The following PDE3A variants were observed in gnomAD, a reference collection of about 807,000 sequenced individuals.
PDE3A encodes the protein phosphodiesterase 3A.
A neutral mutation model predicts 98.3 loss-of-function variants in PDE3A; 43 were observed. The ratio of observed to expected loss-of-function variants is 0.44; its 90% CI spans 0.34 to 0.56. The LOEUF (loss-of-function observed/expected upper bound fraction) is 0.56, where lower values mean the gene tolerates loss of function less well. Among genes scored for constraint, PDE3A ranks in the 20% least tolerant of loss-of-function variants. PDE3A has a pLI of 0.01. For missense variants in PDE3A, 1,427 were observed against 1,440.7 expected (o/e 0.99, Z 0.15); for synonymous variants, 663 against 567.9 (o/e 1.17, Z -2.38).
At chr12:20,492,043 C>A (rs113896913) in intron 1 of PDE3A, among the ~76,000 whole-genome samples, 2 of 151,918 alleles carry the variant, frequency 1.3e-5, no homozygotes, top group African/African-American at 4.8e-5. Context: ...TGTAGTGGTG[C>A]GATCTCAGCT....
At chr12:20,419,786 G>A (rs1944481664) in intron 1 of PDE3A, among the ~76,000 whole-genome samples, 1 of 142,280 alleles carries the variant, frequency 7.0e-6, no homozygotes. Flanking sequence ...CACCCAGGCT[G>A]GAGTGCAGTG....
intron 2 of PDE3A, among the ~76,000 whole-genome samples, chr12:20,600,460 C>T (rs59648485): frequency 0.037 from 5,648 of 152,170 alleles, 349 homozygotes; most frequent in African/African-American, 0.13. Context: ...GGCTCATATT[C>T]CTGCCATGAT....
chr12:20,526,465 A>T (rs1946521325), intron 1 of PDE3A, among the ~76,000 whole-genome samples: 1 of 152,330 alleles, frequency 6.6e-6, no homozygotes, highest in South Asian at 2.1e-4. Flanking sequence ...TTTTTAAAAA[A>T]GTGTTACAAT....
At chr12:20,382,244 G>C (rs1300258247) in intron 1 of PDE3A, among the ~76,000 whole-genome samples, 1 of 151,846 alleles carries the variant, frequency 6.6e-6, no homozygotes, top group African/African-American at 2.4e-5. Context: ...AGTTGCTTCT[G>C]TTGAGAATCA....
intron 8 of PDE3A, 97 bp downstream of exon 8, chr12:20,635,153 G>C: frequency 9.1e-7 from 1 of 1,103,958 alleles, no homozygotes; most frequent in African/African-American, 1.6e-5. Flanking sequence ...AGGCAAGGTG[G>C]CTCACACCTG....
intron 15 of PDE3A, among the ~76,000 whole-genome samples, chr12:20,654,407 C>G (rs59838638): frequency 0.026 from 3,946 of 152,166 alleles, 147 homozygotes; most frequent in African/African-American, 0.089. Context: ...ACATATGATA[C>G]AAAGATATCT....
intron 1 of PDE3A, among the ~76,000 whole-genome samples, chr12:20,448,751 G>GTTTTTTTTTTTTTT (rs1265923346): frequency 1.0e-4 from 14 of 134,324 alleles, no homozygotes; most frequent in East Asian, 2.6e-4. Context: ...TTTATTTTAA[G>GTTTTTTTTTTTTTT]GTTTTTTTTT....
intron 2 of PDE3A, among the ~76,000 whole-genome samples, chr12:20,585,853 CT>C (rs1168435408): frequency 6.6e-5 from 10 of 151,966 alleles, no homozygotes; most frequent in Non-Finnish European, 1.0e-4. Context: ...CTTGCCTTGC[CT>C]TTTCTTCTTT....
intron 7 of PDE3A, 53 bp from the exon 8 acceptor site, chr12:20,634,848 AG>A: frequency 7.2e-7 from 1 of 1,397,584 alleles, no homozygotes; most frequent in Non-Finnish European, 1.0e-6. Flanking sequence ...TGCTTAAATG[AG>A]CCCCCTTTCC....
intron 4 of PDE3A, among the ~76,000 whole-genome samples, chr12:20,618,906 A>T (rs1021884769): frequency 6.6e-6 from 1 of 152,090 alleles, no homozygotes; most frequent in Non-Finnish European, 1.5e-5. Context: ...TACGGGGATA[A>T]TAAGAGCATA....
At chr12:20,677,818 C>T (rs1020388743) in intron 15 of PDE3A, among the ~76,000 whole-genome samples, 23 of 151,968 alleles carry the variant, frequency 1.5e-4, no homozygotes, top group Non-Finnish European at 2.9e-4. Flanking sequence ...AGTTCCTTGG[C>T]TTTTGATTTT....
At chr12:20,372,671 G>C (rs544127765) in intron 1 of PDE3A, among the ~76,000 whole-genome samples, 3 of 152,090 alleles carry the variant, frequency 2.0e-5, no homozygotes, top group Non-Finnish European at 1.5e-5. Context: ...ACTTTGTGAA[G>C]TCAAACATCA....
chr12:20,452,398 A>C (rs563197324), intron 1 of PDE3A, among the ~76,000 whole-genome samples: 1 of 152,192 alleles, frequency 6.6e-6, no homozygotes, highest in South Asian at 2.1e-4. Flanking sequence ...CATCTTCAAT[A>C]TCTCTCTCTC....
chr12:20,655,222 G>C (rs1449315947), intron 15 of PDE3A, among the ~76,000 whole-genome samples: 1 of 152,088 alleles, frequency 6.6e-6, no homozygotes, highest in Non-Finnish European at 1.5e-5. Context: ...TTTTAGGTAA[G>C]ATATCCAGGG....
intron 5 of PDE3A, among the ~76,000 whole-genome samples, chr12:20,627,916 A>T (rs1361848019): frequency 2.6e-5 from 4 of 152,164 alleles, no homozygotes; most frequent in Non-Finnish European, 5.9e-5. Context: ...CCTTTCTAAG[A>T]TTATCTGGAG....
intron 4 of PDE3A, among the ~76,000 whole-genome samples, chr12:20,620,816 C>CAA (rs11335379): frequency 1.2e-4 from 17 of 146,776 alleles, no homozygotes; most frequent in African/African-American, 4.0e-4. Context: ...GGAAATAATG[C>CAA]AAAAAAAAAA....
At chr12:20,656,765 C>T in intron 15 of PDE3A, among the ~76,000 whole-genome samples, 1 of 152,178 alleles carries the variant, frequency 6.6e-6, no homozygotes, top group African/African-American at 2.4e-5. Flanking sequence ...TTCCCAGGGG[C>T]CCTGACTTAC....
intron 1 of PDE3A, among the ~76,000 whole-genome samples, chr12:20,497,310 A>G (rs1945937583): frequency 6.6e-6 from 1 of 151,890 alleles, no homozygotes; most frequent in Non-Finnish European, 1.5e-5. Context: ...ATAATTTATT[A>G]CAATTGTTAT....
intron 14 of PDE3A, 68 bp downstream of exon 14, chr12:20,650,668 C>T: frequency 1.1e-6 from 1 of 898,260 alleles, no homozygotes; most frequent in Non-Finnish European, 1.7e-6. Flanking sequence ...CTCAAAGCTT[C>T]TAACAGCTAT....
Sources: gnomAD v4.1 joint callset for allele counts (sites outside exome capture counted in the v4.1 genomes callset) on GRCh38, gnomAD v4.1.1 for gene constraint, MANE v1.5 for transcripts, NCBI Gene and HGNC (gene_info 2026-07-23, HGNC 2026-07-21) for gene names.